Variants in SYT16 observed in about 807,000 individuals in gnomAD.
SYT16 encodes synaptotagmin 16, also known as synaptotagmin-16.
In SYT16, 42 loss-of-function variants were observed where a neutral mutation model predicts 61.4. The ratio of observed to expected loss-of-function variants is 0.68; its 90% CI spans 0.53 to 0.89. SYT16 has a LOEUF of 0.89. SYT16 is among the 40% of genes least tolerant of loss of function. SYT16 has a pLI of 0.00. For synonymous variants in SYT16, 314 were observed against 302.3 expected (o/e 1.04, Z -0.40); for missense variants, 804 against 807.3 (o/e 1.00, Z 0.05).
chr14:62,071,517 A>G (rs2056300184), intron 4 of SYT16, among the ~76,000 whole-genome samples: 1 of 152,242 alleles, frequency 6.6e-6, no homozygotes, highest in Admixed American at 6.5e-5. Flanking sequence ...AAGTACCTGT[A>G]GATTTTGAAG....
intron 1 of SYT16, among the ~76,000 whole-genome samples, chr14:61,828,243 T>C (rs1344191887): frequency 2.0e-5 from 3 of 152,248 alleles, no homozygotes; most frequent in African/African-American, 7.2e-5. Context: ...TGTGGTACTT[T>C]GTTATGGTAG....
At chr14:61,825,572 A>G (rs1205255220) in intron 1 of SYT16, among the ~76,000 whole-genome samples, 1 of 152,114 alleles carries the variant, frequency 6.6e-6, no homozygotes, top group Admixed American at 6.5e-5. Context: ...AGTCCCAGCT[A>G]CTTGGGAGGC....
chr14:61,897,056 A>G (rs963516046), intron 1 of SYT16, among the ~76,000 whole-genome samples: 1 of 152,230 alleles, frequency 6.6e-6, no homozygotes, highest in Non-Finnish European at 1.5e-5. Flanking sequence ...TGGTGGGAAA[A>G]AAAAGAATAT....
intron 1 of SYT16, among the ~76,000 whole-genome samples, chr14:61,907,644 G>A (rs1210488238): frequency 6.6e-6 from 1 of 152,202 alleles, no homozygotes; most frequent in East Asian, 1.9e-4. Context: ...TCTCCCCAGA[G>A]TGTGGGATCC....
At position 61,996,055 on chromosome 14, in the gene SYT16, C is replaced by T. The variant is rs1473593452; in HGVS notation, c.36C>T (p.Asn12=). ...VLAMASQDVQ[N]FFQPFSSWIS... ...CCATGGCGTCTCAGGATGTTCAGAA[C>T]TTCTTCCAGCCTTTCTCTTCCTGGA... The change falls in exon 3 of 8, where the codon AAC becomes AAT. Residue 12 remains asparagine (N), a synonymous_variant. Transcript: ENST00000683842. 6.2e-7 allele frequency: 1 copy of T among 1,607,662 alleles called. No homozygotes were observed. The highest frequency in any genetic ancestry group is 8.5e-7 in the Non-Finnish European group (1 of 1,176,478).
chr14:61,844,532 G>T (rs568830968), intron 1 of SYT16, among the ~76,000 whole-genome samples: 1 of 152,130 alleles, frequency 6.6e-6, no homozygotes, highest in Middle Eastern at 3.4e-3. Flanking sequence ...TGTTATATAT[G>T]GCTTTTATTA....
At chr14:61,876,048 G>T (rs2047479235) in intron 1 of SYT16, among the ~76,000 whole-genome samples, 1 of 152,174 alleles carries the variant, frequency 6.6e-6, no homozygotes, top group South Asian at 2.1e-4. Flanking sequence ...ATAGAGTTGC[G>T]TGTTTGTGTG....
chr14:62,107,977 C>CGG lies in SYT16; in HGVS notation c.*7270_*7271insGG, dbSNP rs1295675076. ...TGTGTTTTAATAGTCAAAGGCATTGCTACCCTTTGCTTTTTGAAAGAGTGA... is the reference window on the plus strand; with the variant it reads ...TGTGTTTTAATAGTCAAAGGCATTGCGGTACCCTTTGCTTTTTGAAAGAGTGA... On this transcript the variant is annotated 3_prime_UTR_variant, in exon 8 of 8. Coordinates refer to ENST00000683842, the MANE Select transcript of SYT16 (RefSeq NM_001367656.1). 1 of 152,186 alleles carries CGG rather than the reference C, an allele frequency of 6.6e-6. No homozygotes were observed. Among genetic ancestry groups the CGG allele is most frequent in the African/African-American group, 2.4e-5 (1 of 41,448 alleles). The allele number at this position is 152,186 out of a possible 1,614,324, so 9.4% of individuals were successfully genotyped here. A position where few individuals can be genotyped will look rare whatever the true frequency, so the allele number is the denominator to read the frequency against.
At chr14:62,061,333 C>A (rs1306905536) in intron 3 of SYT16, among the ~76,000 whole-genome samples, 8 of 152,000 alleles carry the variant, frequency 5.3e-5, no homozygotes. Flanking sequence ...GTAAGAGCAA[C>A]TGAAGATGAA....
In SYT16 at chr14:62,109,520, T is replaced by C. The variant is rs2057569979; in HGVS notation, c.*8813T>C. 1 of 152,160 alleles carries C rather than the reference T, an allele frequency of 6.6e-6. No homozygotes were observed. Among genetic ancestry groups the C allele is most frequent in the Non-Finnish European group, 1.5e-5 (1 of 68,018 alleles). 9.4% of individuals were successfully genotyped at this position (152,160 alleles called of 1,614,324 possible). A position where few individuals can be genotyped will look rare whatever the true frequency, so the allele number is the denominator to read the frequency against. ...GATCCATCAAATAAAATGTAGCAAC[T>C]TCCAGTCTAGAATAAATTTCACCTA... On this transcript the variant is annotated 3_prime_UTR_variant, in exon 8 of 8. Transcript: ENST00000683842.
At chr14:61,837,169 A>G (rs2046156176) in intron 1 of SYT16, among the ~76,000 whole-genome samples, 1 of 151,558 alleles carries the variant, frequency 6.6e-6, no homozygotes, top group African/African-American at 2.4e-5. Flanking sequence ...GAGCAGGGCC[A>G]GGCCTCCTCA....
chr14:61,828,982 CA>C (rs2045856541), intron 1 of SYT16, among the ~76,000 whole-genome samples: 1 of 152,156 alleles, frequency 6.6e-6, no homozygotes, highest in African/African-American at 2.4e-5. Context: ...TGGGCTTAGA[CA>C]GACATTTGAA....
chr14:61,956,561 T>A (rs1266479794), intron 1 of SYT16, among the ~76,000 whole-genome samples: 1 of 152,024 alleles, frequency 6.6e-6, no homozygotes, highest in African/African-American at 2.4e-5. Flanking sequence ...AAAAGACTGT[T>A]CTTTCCCAAT....
At chr14:61,863,524 G>T (rs1290176350) in intron 1 of SYT16, among the ~76,000 whole-genome samples, 3 of 152,206 alleles carry the variant, frequency 2.0e-5, no homozygotes, top group African/African-American at 7.2e-5. Flanking sequence ...TTCTTTATCA[G>T]ATAGTGTTTT....
intron 1 of SYT16, among the ~76,000 whole-genome samples, chr14:61,836,592 CTA>C (rs2046137284): frequency 6.6e-6 from 1 of 152,160 alleles, no homozygotes; most frequent in African/African-American, 2.4e-5. Context: ...GCTTTTTTCT[CTA>C]GAGTGATTTA....
chr14:61,932,689 T>C (rs1472966022), intron 1 of SYT16, among the ~76,000 whole-genome samples: 1 of 152,040 alleles, frequency 6.6e-6, no homozygotes, highest in East Asian at 1.9e-4. Flanking sequence ...CATATCAGAG[T>C]CTGAAAGGAG....
At chr14:62,033,795 A>G (rs75800259) in intron 3 of SYT16, among the ~76,000 whole-genome samples, 2,935 of 152,280 alleles carry the variant, frequency 0.019, 45 homozygotes, top group Non-Finnish European at 0.031. Flanking sequence ...ACTTTGGGTT[A>G]TGCAAAGCCA....
intron 3 of SYT16, among the ~76,000 whole-genome samples, chr14:62,061,616 T>C (rs2055829170): frequency 1.3e-5 from 2 of 152,082 alleles, no homozygotes; most frequent in South Asian, 2.1e-4. Context: ...TCAGACAAAG[T>C]AGACTTCAAG....
intron 1 of SYT16, among the ~76,000 whole-genome samples, chr14:61,875,402 C>T (rs750720208): frequency 1.3e-5 from 2 of 151,968 alleles, no homozygotes; most frequent in Non-Finnish European, 2.9e-5. Context: ...AAATAAAGAC[C>T]GAAAACTCAA....
Sources: gnomAD v4.1 joint callset for allele counts (sites outside exome capture counted in the v4.1 genomes callset) on GRCh38, gnomAD v4.1.1 for gene constraint, MANE v1.5 for transcripts, NCBI Gene and HGNC (gene_info 2026-07-23, HGNC 2026-07-21) for gene names.